The following PDE1A variants were observed in gnomAD, a reference collection of about 807,000 sequenced individuals.
PDE1A encodes the protein phosphodiesterase 1A.
A neutral mutation model predicts 61.7 loss-of-function variants in PDE1A; 35 were observed. The ratio of observed to expected loss-of-function variants is 0.57; its 90% CI spans 0.43 to 0.75. The LOEUF is 0.75. Ranked by LOEUF, PDE1A falls within the 30% of genes least tolerant of loss-of-function variation. The pLI is 0.00. For missense variants in PDE1A, 597 were observed against 630.6 expected, an observed-to-expected ratio of 0.95 and a Z score of 0.57; for synonymous variants, 232 against 213.2, an observed-to-expected ratio of 1.09 and a Z score of -0.77.
chr2:182,399,943 T>C (rs1281698598), intron 1 of PDE1A, among the ~76,000 whole-genome samples: 2 of 152,126 alleles, frequency 1.3e-5, no homozygotes, highest in Non-Finnish European at 2.9e-5. Context: ...TAAAACAGGA[T>C]TGCTAGTCTA....
At chr2:182,399,685 A>G (rs916442869) in intron 1 of PDE1A, among the ~76,000 whole-genome samples, 2 of 152,074 alleles carry the variant, frequency 1.3e-5, no homozygotes, top group Admixed American at 6.6e-5. Context: ...CCATTCTAGT[A>G]TAGAGTTTAC....
At chr2:182,670,943 G>A in the PDE1A span, among the ~76,000 whole-genome samples, 3 of 151,472 alleles carry the variant, frequency 2.0e-5, no homozygotes, top group Non-Finnish European at 2.9e-5. Context: ...TCAGCCTCCC[G>A]AGTAACTGGT....
At chr2:182,534,918 T>C in the PDE1A span, among the ~76,000 whole-genome samples, 1 of 152,070 alleles carries the variant, frequency 6.6e-6, no homozygotes, top group Non-Finnish European at 1.5e-5. Flanking sequence ...CTTTATTTTG[T>C]TTACTTAATG....
intron 1 of PDE1A, among the ~76,000 whole-genome samples, chr2:182,412,104 G>T (rs1032612639): frequency 1.3e-5 from 2 of 151,684 alleles, no homozygotes; most frequent in African/African-American, 4.8e-5. Flanking sequence ...TTAAGTGTTG[G>T]AGTCGAGAAA....
chr2:182,492,142 T>A (rs1158793605), intron 2 of PDE1A, among the ~76,000 whole-genome samples: 3 of 152,140 alleles, frequency 2.0e-5, no homozygotes, highest in Middle Eastern at 3.2e-3. Flanking sequence ...ATTTGTGAAT[T>A]TTTTTGTCCA....
intron 2 of PDE1A, among the ~76,000 whole-genome samples, chr2:182,256,038 C>CTTTTTTTTTTTTTTTTTTTTTTGTTT (rs755211798): frequency 2.2e-5 from 2 of 92,336 alleles, no homozygotes; most frequent in African/African-American, 4.1e-5. Context: ...AGGATGACTT[C>CTTTTTTTTTTTTTTTTTTTTTTGTTT]TTTTTTTTTT....
At chr2:182,706,333 A>G in the PDE1A span, among the ~76,000 whole-genome samples, 1 of 152,082 alleles carries the variant, frequency 6.6e-6, no homozygotes, top group Non-Finnish European at 1.5e-5. Flanking sequence ...TGAAATTTTT[A>G]TTTCATCTTA....
At chr2:182,234,844 CTTGTT>C (rs1437758051) in intron 3 of PDE1A, among the ~76,000 whole-genome samples, 2 of 152,162 alleles carry the variant, frequency 1.3e-5, no homozygotes, top group Non-Finnish European at 2.9e-5. Flanking sequence ...GCAGAACATT[CTTGTT>C]TTATGTCCAT....
At chr2:182,391,042 C>T (rs1000826571) in intron 1 of PDE1A, among the ~76,000 whole-genome samples, 10 of 152,148 alleles carry the variant, frequency 6.6e-5, no homozygotes, top group African/African-American at 2.2e-4. Flanking sequence ...GAGTGTGTCT[C>T]ACAGGAGGTG....
intron 3 of PDE1A, among the ~76,000 whole-genome samples, chr2:182,237,892 A>T (rs1690160125): frequency 6.6e-6 from 1 of 152,202 alleles, no homozygotes; most frequent in African/African-American, 2.4e-5. Context: ...TGAAGGTTGC[A>T]GTAGATGAGG....
intron 7 of PDE1A, among the ~76,000 whole-genome samples, chr2:182,221,565 T>C (rs529076371): frequency 3.6e-4 from 55 of 152,150 alleles, no homozygotes; most frequent in African/African-American, 1.3e-3. Flanking sequence ...TCCTTTTCCC[T>C]CCAAACTGTA....
chr2:182,492,801 T>C (rs1284278089), intron 2 of PDE1A, among the ~76,000 whole-genome samples: 1 of 152,230 alleles, frequency 6.6e-6, no homozygotes, highest in African/African-American at 2.4e-5. Flanking sequence ...ATTTTTTTGA[T>C]GCAGTGAAAC....
At chr2:182,534,360 A>G in the PDE1A span, among the ~76,000 whole-genome samples, 2 of 152,110 alleles carry the variant, frequency 1.3e-5, no homozygotes, top group Admixed American at 6.5e-5. Flanking sequence ...ACAAATTTGC[A>G]TAGAAAACAT....
intron 13 of PDE1A, among the ~76,000 whole-genome samples, chr2:182,177,747 CTT>C (rs1180883955): frequency 6.9e-6 from 1 of 143,888 alleles, no homozygotes; most frequent in African/African-American, 2.6e-5. Flanking sequence ...AAAAAAATGT[CTT>C]TTTTGTTGCT....
intron 10 of PDE1A, among the ~76,000 whole-genome samples, chr2:182,197,408 T>C (rs1011270209): frequency 6.6e-6 from 1 of 151,778 alleles, no homozygotes; most frequent in African/African-American, 2.4e-5. Context: ...TTTTGCTTTT[T>C]TCCACTTCAT....
the PDE1A span, among the ~76,000 whole-genome samples, chr2:182,582,757 T>C: frequency 6.6e-6 from 1 of 152,166 alleles, no homozygotes; most frequent in Non-Finnish European, 1.5e-5. Flanking sequence ...ATAAGAAACT[T>C]ACTACTAAGC....
the PDE1A span, among the ~76,000 whole-genome samples, chr2:182,590,622 AC>A: frequency 6.6e-6 from 1 of 152,238 alleles, no homozygotes; most frequent in Admixed American, 6.5e-5. Flanking sequence ...AAGAGACTTT[AC>A]CAAACATTCA....
At chr2:182,203,511 A>C (rs1686848698) in intron 8 of PDE1A, among the ~76,000 whole-genome samples, 1 of 152,202 alleles carries the variant, frequency 6.6e-6, no homozygotes, top group Non-Finnish European at 1.5e-5. Flanking sequence ...TGAAAATATG[A>C]CAAGACCCAT....
At chr2:182,352,127 C>A (rs1268689212) in intron 1 of PDE1A, among the ~76,000 whole-genome samples, 1 of 152,200 alleles carries the variant, frequency 6.6e-6, no homozygotes, top group African/African-American at 2.4e-5. Context: ...CTACTTCTCA[C>A]ATTATGTTTG....
Sources: gnomAD v4.1 joint callset for allele counts (sites outside exome capture counted in the v4.1 genomes callset) on GRCh38, gnomAD v4.1.1 for gene constraint, MANE v1.5 for transcripts, NCBI Gene and HGNC (gene_info 2026-07-23, HGNC 2026-07-21) for gene names.